The following MAF variants were observed in gnomAD, a reference collection of about 807,000 sequenced individuals.
MAF encodes MAF bZIP transcription factor.
A neutral mutation model predicts 22.0 loss-of-function variants in MAF; 10 were observed. The observed-to-expected ratio is 0.45, with a 90% confidence interval of 0.28 to 0.77. MAF has a LOEUF of 0.77. MAF is among the 30% of genes least tolerant of loss of function. The pLI is 0.12. For synonymous variants in MAF, 337 were observed against 255.8 expected (o/e 1.32, Z -3.03); for missense variants, 544 against 548.4 (o/e 0.99, Z 0.08).
At chr16:79,577,059 T>C in the MAF span, among the ~76,000 whole-genome samples, 1 of 152,116 alleles carries the variant, frequency 6.6e-6, no homozygotes, top group East Asian at 1.9e-4. Flanking sequence ...TATTGTTTTT[T>C]AAATGGTCAT....
the MAF span, chr16:79,211,662 C>G: frequency 6.2e-7 from 1 of 1,614,194 alleles, no homozygotes; most frequent in South Asian, 1.1e-5. Flanking sequence ...ACTGGAGGGT[C>G]TGGGAGGGAT....
the MAF span, among the ~76,000 whole-genome samples, chr16:79,549,041 C>A: frequency 2.6e-5 from 4 of 152,148 alleles, no homozygotes; most frequent in African/African-American, 9.7e-5. Flanking sequence ...ACTGTTCCAG[C>A]CTGGTTTCTT....
chr16:79,553,419 C>G, the MAF span, among the ~76,000 whole-genome samples: 5 of 152,250 alleles, frequency 3.3e-5, no homozygotes, highest in Non-Finnish European at 7.3e-5. Flanking sequence ...CTCCTGGAAC[C>G]TTATGCCTCT....
chr16:79,547,598 T>C, the MAF span, among the ~76,000 whole-genome samples: 1 of 152,168 alleles, frequency 6.6e-6, no homozygotes, highest in Non-Finnish European at 1.5e-5. Context: ...ATCCTGTATA[T>C]TGCTATATAG....
the MAF span, among the ~76,000 whole-genome samples, chr16:79,536,517 C>T: frequency 6.6e-6 from 1 of 152,144 alleles, no homozygotes; most frequent in African/African-American, 2.4e-5. Context: ...TGGTGCACAC[C>T]TGTAGTCTCA....
chr16:79,293,942 C>T, the MAF span, among the ~76,000 whole-genome samples: 6 of 152,108 alleles, frequency 3.9e-5, no homozygotes, highest in Admixed American at 3.9e-4. Context: ...ATGTACTCCA[C>T]GGTTGGTAGG....
rs1314788831 is a variant in MAF, at chr16:79,599,807, C to A, written c.96G>T (p.Val32=). The change falls in exon 1 of 2, where the codon GTG becomes GTT. Residue 32 remains valine (V), a synonymous_variant. Transcript: ENST00000326043. ...VNDFDLMKFE[V]KKEPVETDRI... is the part of the protein sequence containing the mutation. ...GGTCGGTCTCCACCGGTTCCTTTTT[C>A]ACTTCAAACTTCATCAGATCGAAGT... 1 of 1,612,986 alleles carries A rather than the reference C, an allele frequency of 6.2e-7. No individual in the cohort carries two copies. The highest frequency in any genetic ancestry group is 1.7e-5 in the Admixed American group (1 of 60,026).
the MAF span, among the ~76,000 whole-genome samples, chr16:79,569,311 T>C: frequency 6.6e-6 from 1 of 152,228 alleles, no homozygotes; most frequent in Admixed American, 6.5e-5. Flanking sequence ...AAAAATGCCT[T>C]CAGACATTGC....
At chr16:79,454,124 C>G in the MAF span, among the ~76,000 whole-genome samples, 2 of 152,170 alleles carry the variant, frequency 1.3e-5, no homozygotes, top group East Asian at 3.9e-4. Flanking sequence ...TGATTCGTTC[C>G]CATTTTAGGG....
At chr16:79,346,880 G>C in the MAF span, among the ~76,000 whole-genome samples, 15 of 152,178 alleles carry the variant, frequency 9.9e-5, no homozygotes, top group Admixed American at 9.2e-4. Context: ...GATGCTGTTA[G>C]CATTTGATAA....
the MAF span, among the ~76,000 whole-genome samples, chr16:79,237,466 G>A: frequency 6.6e-6 from 1 of 152,014 alleles, no homozygotes; most frequent in African/African-American, 2.4e-5. Flanking sequence ...AATAACCACT[G>A]GAAATGGTTG....
At chr16:79,519,354 G>GAGGTT in the MAF span, among the ~76,000 whole-genome samples, 1 of 152,204 alleles carries the variant, frequency 6.6e-6, no homozygotes, top group Non-Finnish European at 1.5e-5. Flanking sequence ...GCAACTCCCA[G>GAGGTT]AGGTTAGGTC....
the MAF span, among the ~76,000 whole-genome samples, chr16:79,220,783 A>G: frequency 2.6e-5 from 4 of 152,198 alleles, no homozygotes; most frequent in African/African-American, 9.6e-5. Flanking sequence ...GCCTACACAG[A>G]TGGCTTTTAT....
chr16:79,335,072 C>A, the MAF span, among the ~76,000 whole-genome samples: 1 of 151,408 alleles, frequency 6.6e-6, no homozygotes, highest in East Asian at 1.9e-4. Context: ...GTAGTCCCAG[C>A]TACTCGGGAG....
the MAF span, among the ~76,000 whole-genome samples, chr16:79,433,134 G>C: frequency 2.3e-3 from 352 of 152,146 alleles, 2 homozygotes; most frequent in African/African-American, 8.0e-3. Flanking sequence ...CTTTGCAATA[G>C]TTCCTGAATT....
At chr16:79,463,990 G>C in the MAF span, among the ~76,000 whole-genome samples, 1 of 151,062 alleles carries the variant, frequency 6.6e-6, no homozygotes, top group African/African-American at 2.4e-5. Flanking sequence ...AAATACGGAC[G>C]ATAAAAAGGG....
the MAF span, among the ~76,000 whole-genome samples, chr16:79,482,841 A>ATCCCCTCCCC: frequency 1.5e-5 from 1 of 64,538 alleles, no homozygotes; most frequent in South Asian, 6.7e-4. Flanking sequence ...ACCCCCCTCC[A>ATCCCCTCCCC]TCCCCTCCCC....
the MAF span, among the ~76,000 whole-genome samples, chr16:79,524,708 G>C: frequency 1.2e-4 from 19 of 152,146 alleles, no homozygotes; most frequent in African/African-American, 3.6e-4. Flanking sequence ...GCCAAATATA[G>C]AAATCATTCT....
chr16:79,344,459 T>C, the MAF span, among the ~76,000 whole-genome samples: 1 of 152,192 alleles, frequency 6.6e-6, no homozygotes, highest in African/African-American at 2.4e-5. Flanking sequence ...GCGCTCTTAA[T>C]AACTATGCTT....
Sources: allele counts gnomAD v4.1 joint callset (sites outside exome capture counted in the v4.1 genomes callset), GRCh38; gene constraint gnomAD v4.1.1; transcripts MANE v1.5; gene names NCBI Gene and HGNC (gene_info 2026-07-23, HGNC 2026-07-21).